Variants in P3H2 observed in about 807,000 individuals in gnomAD.
The protein encoded by P3H2 is prolyl 3-hydroxylase 2, also known as leprecan-like 1.
P3H2 carries 80 observed loss-of-function variants against 87.0 expected under a neutral mutation model. That is an observed-to-expected ratio of 0.92 (90% confidence interval 0.77 to 1.11). P3H2 has a LOEUF of 1.11. Ranked by LOEUF, P3H2 falls within the 50% of genes least tolerant of loss-of-function variation. The pLI is 0.00. For synonymous variants in P3H2, 367 were observed against 359.3 expected (o/e 1.02, Z -0.24); for missense variants, 1,001 against 923.9 (o/e 1.08, Z -1.08).
chr3:189,966,151 GAAAGAA>G, intron 13 of P3H2, among the ~76,000 whole-genome samples: 1 of 141,652 alleles, frequency 7.1e-6, no homozygotes. Flanking sequence ...AAGAAAGAAA[GAAAGAA>G]AGAAAGAAAG....
At chr3:189,970,767 T>C (rs1490162567) in intron 13 of P3H2, 49 bp downstream of exon 13, 3 of 1,099,742 alleles carry the variant, frequency 2.7e-6, no homozygotes, top group African/African-American at 1.5e-5. Context: ...AAAATGGCAA[T>C]ACTGAGCTAA....
Position 190,118,368 on chromosome 3 carries a change from A to T in P3H2, c.480+1884T>A, listed in dbSNP as rs1002476189. 3.3e-5 allele frequency among the ~76,000 whole-genome samples: 5 copies of T among 152,136 alleles called. No individual in the cohort carries two copies. In the East Asian group the frequency reaches 9.7e-4, roughly 30 times the overall value. On this transcript the variant is annotated intron_variant, in intron 1 of 14. Transcript: ENST00000319332. ...CCGAGACTCCTGGGAGGACCAAGCT[A>T]CAGGGACCACCCATGTTCTGCTCTG...
At chr3:189,998,079 A>G (rs1273115877) in intron 1 of P3H2, among the ~76,000 whole-genome samples, 1 of 152,216 alleles carries the variant, frequency 6.6e-6, no homozygotes, top group African/African-American at 2.4e-5. Flanking sequence ...AGAGCACTAG[A>G]AAAAGATAAA....
At chr3:190,101,336 G>T (rs1711617706) in intron 1 of P3H2, among the ~76,000 whole-genome samples, 1 of 113,774 alleles carries the variant, frequency 8.8e-6, no homozygotes, top group Non-Finnish European at 1.7e-5. Context: ...TAAAAGCTAG[G>T]TTTCTTGCAT....
At chr3:190,053,841 T>C (rs911331081) in intron 1 of P3H2, among the ~76,000 whole-genome samples, 2 of 152,232 alleles carry the variant, frequency 1.3e-5, no homozygotes. Flanking sequence ...TTATGTATTT[T>C]ATTTTCTAAT....
At chr3:190,113,255 G>T (rs1712143170) in intron 1 of P3H2, among the ~76,000 whole-genome samples, 1 of 152,192 alleles carries the variant, frequency 6.6e-6, no homozygotes, top group African/African-American at 2.4e-5. Context: ...TTCTTGATTT[G>T]TTGTAGAATC....
At chr3:190,003,272 A>C (rs778817598) in intron 1 of P3H2, among the ~76,000 whole-genome samples, 3 of 152,126 alleles carry the variant, frequency 2.0e-5, no homozygotes, top group Non-Finnish European at 2.9e-5. Flanking sequence ...TTTAGTCTTG[A>C]TGTTTACATT....
intron 1 of P3H2, among the ~76,000 whole-genome samples, chr3:190,052,109 CACGTGCAGA>C (rs1726000883): frequency 6.6e-6 from 1 of 152,136 alleles, no homozygotes; most frequent in South Asian, 2.1e-4. Context: ...TTCTGGGATA[CACGTGCAGA>C]ACGTGCAGGA....
intron 1 of P3H2, among the ~76,000 whole-genome samples, chr3:190,112,262 G>C (rs1232909318): frequency 6.6e-6 from 1 of 152,120 alleles, no homozygotes; most frequent in African/African-American, 2.4e-5. Context: ...TCTCTTTTGA[G>C]CTTTATTTTC....
At chr3:190,014,322 G>T (rs533885296) in intron 1 of P3H2, among the ~76,000 whole-genome samples, 1 of 152,346 alleles carries the variant, frequency 6.6e-6, no homozygotes, top group Non-Finnish European at 1.5e-5. Flanking sequence ...GAGAAAAGTA[G>T]ATAGGTGATC....
At chr3:189,967,803 A>G (rs952196498) in intron 13 of P3H2, among the ~76,000 whole-genome samples, 8 of 152,162 alleles carry the variant, frequency 5.3e-5, no homozygotes, top group Non-Finnish European at 4.4e-5. Flanking sequence ...GTTTCTAGAC[A>G]ATTTTAACGA....
chr3:190,030,002 C>CA (rs11324089), intron 1 of P3H2, among the ~76,000 whole-genome samples: 18 of 133,228 alleles, frequency 1.4e-4, no homozygotes, highest in African/African-American at 2.3e-4. Flanking sequence ...AACTCCGTCT[C>CA]AAAAAAAAAA....
At chr3:189,970,420 G>A (rs755569834) in intron 13 of P3H2, among the ~76,000 whole-genome samples, 7 of 150,534 alleles carry the variant, frequency 4.7e-5, no homozygotes, top group African/African-American at 1.7e-4. Flanking sequence ...GTCCAAGTAC[G>A]TAGAACACCA....
intron 13 of P3H2, among the ~76,000 whole-genome samples, chr3:189,965,458 C>G (rs1722947151): frequency 6.6e-6 from 1 of 152,120 alleles, no homozygotes; most frequent in Non-Finnish European, 1.5e-5. Flanking sequence ...AAAAAGCAGT[C>G]AGTTTCTTTT....
chr3:189,963,770 A>G, intron 14 of P3H2, 188 bp downstream of exon 14: 1 of 667,688 alleles, frequency 1.5e-6, no homozygotes, highest in Non-Finnish European at 2.6e-6. Flanking sequence ...AGCTCAAGAC[A>G]GATTAGTGAC....
chr3:190,004,529 C>T (rs887267423), intron 1 of P3H2, among the ~76,000 whole-genome samples: 2 of 151,872 alleles, frequency 1.3e-5, no homozygotes, highest in Non-Finnish European at 2.9e-5. Context: ...ACTACAGGCG[C>T]CCGCCTCCAC....
chr3:189,986,417 T>C (rs924803335), intron 6 of P3H2, among the ~76,000 whole-genome samples: 5 of 151,930 alleles, frequency 3.3e-5, no homozygotes, highest in Admixed American at 3.3e-4. Flanking sequence ...AAACCCCATC[T>C]CTACTAAAAA....
intron 1 of P3H2, among the ~76,000 whole-genome samples, chr3:190,049,893 G>A: frequency 6.6e-6 from 1 of 151,882 alleles, no homozygotes; most frequent in East Asian, 1.9e-4. Context: ...GGAAATGCCG[G>A]GTTACACAAA....
chr3:189,958,092 A>C, intron 14 of P3H2, 88 bp from the exon 15 acceptor site: 1 of 916,870 alleles, frequency 1.1e-6, no homozygotes, highest in Admixed American at 1.7e-5. Flanking sequence ...CCTGGCATCC[A>C]TCTGTACATG....
Sources: gnomAD v4.1 joint callset for allele counts (sites outside exome capture counted in the v4.1 genomes callset) on GRCh38, gnomAD v4.1.1 for gene constraint, MANE v1.5 for transcripts, NCBI Gene and HGNC (gene_info 2026-07-23, HGNC 2026-07-21) for gene names.